Variants in PLSCR4 observed in about 807,000 individuals in gnomAD.
The protein encoded by PLSCR4 is Ca(2+)-dependent phospholipid scramblase 4.
In PLSCR4, 25 loss-of-function variants were observed where a neutral mutation model predicts 36.3. The ratio of observed to expected loss-of-function variants is 0.69; its 90% CI spans 0.50 to 0.96. The LOEUF (loss-of-function observed/expected upper bound fraction) is 0.96. Among genes scored for constraint, PLSCR4 ranks in the 40% least tolerant of loss-of-function variants. The probability of loss-of-function intolerance (pLI) is 0.00; values close to 1 mark genes in which losing one functional copy is unlikely to be tolerated. For missense variants in PLSCR4, 408 were observed against 414.7 expected (o/e 0.98, Z 0.14); for synonymous variants, 122 against 132.9 (o/e 0.92, Z 0.56).
intron 3 of PLSCR4, among the ~76,000 whole-genome samples, chr3:146,210,962 T>G (rs950155851): frequency 6.6e-6 from 1 of 152,100 alleles, no homozygotes; most frequent in Admixed American, 6.6e-5. Flanking sequence ...TATCACATTT[T>G]AGGTATTGTT....
chr3:146,232,739 G>A (rs954848373), intron 1 of PLSCR4, among the ~76,000 whole-genome samples: 1 of 152,056 alleles, frequency 6.6e-6, no homozygotes, highest in Non-Finnish European at 1.5e-5. Context: ...GGAGCCTTTG[G>A]GCAAAGACCA....
chr3:146,226,635 C>G (rs370741192), intron 1 of PLSCR4, among the ~76,000 whole-genome samples: 165 of 152,156 alleles, frequency 1.1e-3, no homozygotes, highest in African/African-American at 3.8e-3. Flanking sequence ...TGAAGTAGCA[C>G]CTCTGGGGTC....
intron 1 of PLSCR4, among the ~76,000 whole-genome samples, chr3:146,226,291 C>A (rs2035473670): frequency 6.6e-6 from 1 of 152,176 alleles, no homozygotes; most frequent in Non-Finnish European, 1.5e-5. Context: ...CATTATTTCA[C>A]AATAAACAAG....
chr3:146,215,994 G>A (rs939215771), intron 3 of PLSCR4, among the ~76,000 whole-genome samples: 2 of 152,172 alleles, frequency 1.3e-5, no homozygotes, highest in Non-Finnish European at 2.9e-5. Context: ...ATTTTAGGAG[G>A]CCGAGGTGAG....
chr3:146,219,421 A>G (rs114114186), intron 3 of PLSCR4, among the ~76,000 whole-genome samples: 1,538 of 152,320 alleles, frequency 0.01, 18 homozygotes, highest in African/African-American at 0.035. Flanking sequence ...CGATAGATAA[A>G]GCATGATTAT....
intron 3 of PLSCR4, among the ~76,000 whole-genome samples, chr3:146,214,706 G>A (rs1294057128): frequency 6.6e-6 from 1 of 152,108 alleles, no homozygotes; most frequent in Non-Finnish European, 1.5e-5. Flanking sequence ...GTTTCAAGAA[G>A]AATGTGTATT....
chr3:146,195,060 A>T (rs1235913198), intron 8 of PLSCR4, 64 bp downstream of exon 8: 1 of 1,429,326 alleles, frequency 7.0e-7, no homozygotes, highest in Non-Finnish European at 9.8e-7. Flanking sequence ...TTTATACTAC[A>T]CTATACTGCT....
chr3:146,204,328 A>G (rs1197122839), intron 4 of PLSCR4, among the ~76,000 whole-genome samples: 2 of 151,874 alleles, frequency 1.3e-5, no homozygotes, highest in Admixed American at 6.6e-5. Flanking sequence ...CACACATAAG[A>G]AGGTATTTAA....
chr3:146,210,374 AAGACATGAAGGCAATTTTT>A (rs2034555929), intron 3 of PLSCR4, among the ~76,000 whole-genome samples: 1 of 152,082 alleles, frequency 6.6e-6, no homozygotes, highest in South Asian at 2.1e-4. Context: ...CCTTAGTGAC[AAGACATGAAGGCAATTTTT>A]AAAAATGGAA....
intron 1 of PLSCR4, 128 bp downstream of exon 1, chr3:146,250,832 G>C (rs114258246): frequency 2.0e-5 from 3 of 152,238 alleles, no homozygotes; most frequent in African/African-American, 7.2e-5. Flanking sequence ...GCAGGACGCC[G>C]CGCAACCTCC....
At chr3:146,249,671 T>A (rs1226870240) in intron 1 of PLSCR4, among the ~76,000 whole-genome samples, 1 of 151,084 alleles carries the variant, frequency 6.6e-6, no homozygotes. Flanking sequence ...TTATTTGTAA[T>A]ATATTATACA....
At chr3:146,241,731 G>A (rs1015646132) in intron 1 of PLSCR4, among the ~76,000 whole-genome samples, 5 of 151,938 alleles carry the variant, frequency 3.3e-5, no homozygotes, top group Admixed American at 2.0e-4. Context: ...TTCAACGTAC[G>A]GAACATTCAC....
intron 1 of PLSCR4, among the ~76,000 whole-genome samples, chr3:146,229,451 A>G (rs186806422): frequency 6.6e-6 from 1 of 152,134 alleles, no homozygotes; most frequent in African/African-American, 2.4e-5. Context: ...CCTGGTTGGT[A>G]AACACATCAA....
chr3:146,228,980 A>G (rs2035586681), intron 1 of PLSCR4, among the ~76,000 whole-genome samples: 1 of 152,226 alleles, frequency 6.6e-6, no homozygotes, highest in South Asian at 2.1e-4. Flanking sequence ...GAAAATGTAT[A>G]CACCTTGCTT....
chr3:146,238,299 CTTATT>C (rs1158485112), intron 1 of PLSCR4, among the ~76,000 whole-genome samples: 6 of 151,348 alleles, frequency 4.0e-5, no homozygotes, highest in Non-Finnish European at 7.4e-5. Flanking sequence ...TCTTCTAAAA[CTTATT>C]TTATTTCAGT....
In PLSCR4 at chr3:146,192,497, T is replaced by C. The variant is rs1368812599; in HGVS notation, c.*1914A>G. On this transcript the variant is annotated 3_prime_UTR_variant, in exon 9 of 9. Transcript: ENST00000354952. ...AATCATGTGAATTGTATTAAAACTA[T>C]GACATATGACAATATTATATAAAGA... 1 of 151,292 alleles carries C rather than the reference T, an allele frequency of 6.6e-6. No homozygotes were observed. Among genetic ancestry groups the C allele is most frequent in the African/African-American group, 2.4e-5 (1 of 41,338 alleles). The allele number at this position is 151,292 out of a possible 1,614,324, so 9.4% of individuals were successfully genotyped here. A position where few individuals can be genotyped will look rare whatever the true frequency, so the allele number is the denominator to read the frequency against.
At chr3:146,237,591 A>G (rs1443395358) in intron 1 of PLSCR4, among the ~76,000 whole-genome samples, 3 of 151,926 alleles carry the variant, frequency 2.0e-5, no homozygotes, top group African/African-American at 7.3e-5. Flanking sequence ...AGGAAATTCA[A>G]AATATGTGGA....
chr3:146,200,993 T>C, intron 5 of PLSCR4, 42 bp downstream of exon 5: 1 of 1,316,800 alleles, frequency 7.6e-7, no homozygotes, highest in Non-Finnish European at 1.1e-6. Flanking sequence ...CAAATTTCCA[T>C]CTGATTAAAA....
intron 1 of PLSCR4, among the ~76,000 whole-genome samples, chr3:146,229,261 C>T (rs1248467677): frequency 6.6e-6 from 1 of 151,904 alleles, no homozygotes; most frequent in Non-Finnish European, 1.5e-5. Flanking sequence ...ATAGGGAGGC[C>T]GATCATGCCA....
Sources: gnomAD v4.1 joint callset for allele counts (sites outside exome capture counted in the v4.1 genomes callset) on GRCh38, gnomAD v4.1.1 for gene constraint, MANE v1.5 for transcripts, NCBI Gene and HGNC (gene_info 2026-07-23, HGNC 2026-07-21) for gene names.